The following PCDH15 variants were observed in gnomAD, a reference collection of about 807,000 sequenced individuals.
PCDH15 encodes the protein protocadherin related 15, also known as protocadherin-15.
In PCDH15, 129 loss-of-function variants were observed where a neutral mutation model predicts 178.5. The ratio of observed to expected loss-of-function variants is 0.72; its 90% CI spans 0.63 to 0.84. The LOEUF (loss-of-function observed/expected upper bound fraction) is 0.84, where lower values mean the gene tolerates loss of function less well. Ranked by LOEUF, PCDH15 falls within the 40% of genes least tolerant of loss-of-function variation. The pLI, the probability that PCDH15 is intolerant of heterozygous loss-of-function variation, is 0.00. For synonymous variants in PCDH15, 800 were observed against 732.0 expected (o/e 1.09, Z -1.50); for missense variants, 2,230 against 2,099.9 (o/e 1.06, Z -1.21).
intron 15 of PCDH15, among the ~76,000 whole-genome samples, chr10:54,123,295 A>G (rs1358539468): frequency 1.3e-5 from 2 of 152,182 alleles, no homozygotes; most frequent in African/African-American, 4.8e-5. Context: ...TATATTCACA[A>G]TCTACAAGTA....
chr10:55,263,248 C>A (rs953804536), intron 1 of PCDH15, among the ~76,000 whole-genome samples: 8 of 152,160 alleles, frequency 5.3e-5, no homozygotes, highest in African/African-American at 1.7e-4. Flanking sequence ...CCAGACTTCA[C>A]CTCTTTTCTC....
At chr10:54,247,712 A>G (rs2056092675) in intron 8 of PCDH15, among the ~76,000 whole-genome samples, 1 of 151,830 alleles carries the variant, frequency 6.6e-6, no homozygotes, top group Non-Finnish European at 1.5e-5. Flanking sequence ...ATGTCCTACA[A>G]CAAAATATGC....
At chr10:54,073,038 C>T (rs1314279110) in intron 17 of PCDH15, among the ~76,000 whole-genome samples, 2 of 151,964 alleles carry the variant, frequency 1.3e-5, no homozygotes, top group African/African-American at 4.8e-5. Context: ...ACATTATTGT[C>T]TAAGTAGGAA....
At chr10:54,463,794 G>A (rs774314827) in intron 3 of PCDH15, among the ~76,000 whole-genome samples, 4 of 151,938 alleles carry the variant, frequency 2.6e-5, no homozygotes, top group African/African-American at 4.8e-5. Context: ...ATTCCAAAGC[G>A]GTAGTAGGGC....
chr10:54,789,278 C>T (rs1473862067), intron 1 of PCDH15, among the ~76,000 whole-genome samples: 1 of 151,612 alleles, frequency 6.6e-6, no homozygotes, highest in Non-Finnish European at 1.5e-5. Flanking sequence ...CTATTTTGTC[C>T]CTTGTTAAAT....
At chr10:55,437,707 T>C (rs1224528349) in intron 2 of PCDH15, among the ~76,000 whole-genome samples, 2 of 151,908 alleles carry the variant, frequency 1.3e-5, no homozygotes, top group African/African-American at 4.8e-5. Flanking sequence ...CTGTAGCTGA[T>C]CTAGAAAAAC....
chr10:54,040,000 C>A (rs1036970848), intron 18 of PCDH15, among the ~76,000 whole-genome samples: 2 of 152,002 alleles, frequency 1.3e-5, no homozygotes, highest in Admixed American at 1.3e-4. Flanking sequence ...AAAAGGACAA[C>A]ATATATATCC....
At chr10:55,146,684 C>A (rs2799604) in intron 2 of PCDH15, among the ~76,000 whole-genome samples, 80,301 of 151,662 alleles carry the variant, frequency 0.53, 21,666 homozygotes, top group South Asian at 0.65. Context: ...ACTATAACTT[C>A]TATATGTTTT....
chr10:55,555,101 T>G (rs951326944), intron 2 of PCDH15, among the ~76,000 whole-genome samples: 5 of 152,106 alleles, frequency 3.3e-5, no homozygotes, highest in African/African-American at 4.8e-5. Flanking sequence ...TTTAAAATGA[T>G]ACATTAAAAC....
intron 3 of PCDH15, among the ~76,000 whole-genome samples, chr10:54,510,325 A>G (rs1172770037): frequency 2.0e-5 from 3 of 152,202 alleles, no homozygotes; most frequent in Non-Finnish European, 4.4e-5. Flanking sequence ...TGCCCTGGGA[A>G]AAGTTAATAG....
At chr10:54,486,019 G>A (rs2079072319) in intron 3 of PCDH15, among the ~76,000 whole-genome samples, 1 of 152,036 alleles carries the variant, frequency 6.6e-6, no homozygotes, top group Non-Finnish European at 1.5e-5. Flanking sequence ...ATGATGTAAC[G>A]TTGAGGATGG....
chr10:55,156,084 A>C (rs1429491371), intron 2 of PCDH15, among the ~76,000 whole-genome samples: 1 of 152,136 alleles, frequency 6.6e-6, no homozygotes, highest in Non-Finnish European at 1.5e-5. Flanking sequence ...GGTCTATTTC[A>C]TACATACAAA....
chr10:53,960,365 T>C (rs1004226084), intron 22 of PCDH15, among the ~76,000 whole-genome samples: 1 of 152,210 alleles, frequency 6.6e-6, no homozygotes, highest in Non-Finnish European at 1.5e-5. Flanking sequence ...AAATTGGAAA[T>C]CTTTATAGTT....
chr10:55,311,711 G>C (rs886185912), intron 1 of PCDH15, among the ~76,000 whole-genome samples: 14 of 152,140 alleles, frequency 9.2e-5, no homozygotes, highest in African/African-American at 3.4e-4. Context: ...CCACAGAAGT[G>C]TGTTCTCTTC....
At chr10:54,000,883 G>A (rs1487269070) in intron 20 of PCDH15, among the ~76,000 whole-genome samples, 1 of 152,096 alleles carries the variant, frequency 6.6e-6, no homozygotes, top group Non-Finnish European at 1.5e-5. Flanking sequence ...ACTAGCTCAA[G>A]TTATTTAATA....
At chr10:54,397,389 C>T (rs1190715442) in intron 3 of PCDH15, among the ~76,000 whole-genome samples, 3 of 152,140 alleles carry the variant, frequency 2.0e-5, no homozygotes, top group East Asian at 3.9e-4. Flanking sequence ...AGGGAACAAC[C>T]TTCCCTTCAC....
chr10:55,448,606 T>C (rs1282278725), intron 2 of PCDH15, among the ~76,000 whole-genome samples: 1 of 151,998 alleles, frequency 6.6e-6, no homozygotes, highest in Non-Finnish European at 1.5e-5. Flanking sequence ...GACATCTGAA[T>C]GGTGAAAGGG....
intron 3 of PCDH15, among the ~76,000 whole-genome samples, chr10:54,887,726 G>A (rs1954383923): frequency 6.6e-6 from 1 of 151,386 alleles, no homozygotes. Context: ...ATTAAAAACT[G>A]GTGGATTTCA....
At chr10:55,436,303 C>T (rs1839038548) in intron 2 of PCDH15, among the ~76,000 whole-genome samples, 1 of 151,950 alleles carries the variant, frequency 6.6e-6, no homozygotes, top group Non-Finnish European at 1.5e-5. Context: ...CAAGAATAAA[C>T]ATACAGAAAC....
Sources: gnomAD v4.1 joint callset for allele counts (sites outside exome capture counted in the v4.1 genomes callset) on GRCh38, gnomAD v4.1.1 for gene constraint, MANE v1.5 for transcripts, NCBI Gene and HGNC (gene_info 2026-07-23, HGNC 2026-07-21) for gene names.